JAG2: variants seen among roughly 807,000 people sequenced by gnomAD.
JAG2 encodes protein jagged-2.
JAG2 carries 46 observed loss-of-function variants against 141.7 expected under a neutral mutation model. The observed-to-expected ratio is 0.32, with a 90% CI of 0.26 to 0.42. The LOEUF (loss-of-function observed/expected upper bound fraction) is 0.42. Ranked by LOEUF, JAG2 falls within the 10% of genes least tolerant of loss-of-function variation. The pLI, the probability that JAG2 is intolerant of heterozygous loss-of-function variation, is 1.00. For synonymous variants in JAG2, 862 were observed against 763.5 expected, an observed-to-expected ratio of 1.13 and a Z score of -2.13; for missense variants, 1,500 against 1,817.5, an observed-to-expected ratio of 0.83 and a Z score of 3.18.
chr14:105,161,663 C>T (rs587767331), intron 2 of JAG2, among the ~76,000 whole-genome samples: 12 of 152,312 alleles, frequency 7.9e-5, no homozygotes, highest in Admixed American at 6.5e-4. Flanking sequence ...CCTCACCCCA[C>T]CTGCCAGCTC....
rs777967410 is a variant in JAG2, at chr14:105,146,672, A to G, written c.2532T>C (p.Asp844=). Reference sequence around the variant, plus strand: ...AGCTACAGCGATACCCGTTGATCTCATCCACACACGTGGCCCCGTAGGCAC... The same window carrying G: ...AGCTACAGCGATACCCGTTGATCTCGTCCACACACGTGGCCCCGTAGGCAC... ...SPCAYGATCV[D]EINGYRCSCP... is the part of the protein sequence containing the mutation. The change falls in exon 21 of 26, where the codon GAT becomes GAC. Residue 844 remains aspartate, a synonymous_variant. Transcript: ENST00000331782. The G allele has an allele frequency of 6.2e-7, 1 of 1,611,444 alleles. No individual in the cohort carries two copies. The highest frequency in any genetic ancestry group is 8.5e-7 in the Non-Finnish European group (1 of 1,178,770).
Position 105,151,109 on chromosome 14 carries a change from GA to G in JAG2, c.1268-6del. On this transcript the variant is annotated splice_region_variant and splice_polypyrimidine_tract_variant and intron_variant, in intron 9 of 25. Coordinates refer to ENST00000331782, the MANE Select transcript of JAG2 (RefSeq NM_002226.5). Reference sequence around the variant, plus strand: ...TCCCTTCACACTCATTGGCGTCTGTGAAAGAGACAAGGTGGGAGCCGTGGGG... The same window carrying G: ...TCCCTTCACACTCATTGGCGTCTGTGAAGAGACAAGGTGGGAGCCGTGGGG... 6.2e-7 allele frequency: 1 copy of G among 1,607,948 alleles called. No homozygotes were observed. Among genetic ancestry groups the G allele is most frequent in the East Asian group, 2.2e-5 (1 of 44,752 alleles).
At chr14:105,144,809 C>A in intron 24 of JAG2, 121 bp downstream of exon 24, 3 of 1,307,452 alleles carry the variant, frequency 2.3e-6, no homozygotes, top group South Asian at 1.3e-5. Flanking sequence ...GGGAGACAGG[C>A]CTGCCCGCAG....
Position 105,167,828 on chromosome 14 carries a change from G to A in JAG2, c.346C>T (p.Arg116Trp). 1 of 1,474,426 alleles carries A rather than the reference G, an allele frequency of 6.8e-7. No homozygotes were observed. Among genetic ancestry groups the A allele is most frequent in the Non-Finnish European group, 8.9e-7 (1 of 1,117,800 alleles). The allele number at this position is 1,474,426 out of a possible 1,614,324, so 91.3% of individuals were successfully genotyped here. Residue 116 changes from arginine (R) to tryptophan (W), a missense_variant, in exon 2 of 26, where the codon CGG becomes TGG. Coordinates refer to ENST00000331782, the MANE Select transcript of JAG2 (RefSeq NM_002226.5). This position sits in a 1 kb window ranked among gnomAD's most constrained non-coding sequence, Gnocchi z 4.8. ...PPAGAAGDRA[R>W]ARARAGGDQD... ...TCGCCGCCGGCCCGGGCCCGCGCCC[G>A]CGCTCGGTCCCCCGCAGCGCCCGCC...
intron 17 of JAG2, 91 bp from the exon 18 acceptor site, chr14:105,147,979 C>G: frequency 1.7e-6 from 2 of 1,205,546 alleles, no homozygotes; most frequent in Non-Finnish European, 2.4e-6. Flanking sequence ...ACAGGGCAGA[C>G]AGACCCGGGG....
chr14:105,168,277 G>A (rs1284327640), intron 1 of JAG2, 78 bp downstream of exon 1: 1 of 705,506 alleles, frequency 1.4e-6, no homozygotes, highest in Non-Finnish European at 1.7e-6. Context: ...GGCGGCCCCA[G>A]GCAGTGCCCG....
chr14:105,147,225 C>T (rs1315728266), intron 20 of JAG2, 101 bp downstream of exon 20: 2 of 897,198 alleles, frequency 2.2e-6, no homozygotes, highest in South Asian at 1.4e-5. Context: ...GTAGTTGTGG[C>T]CACACTGCCC....
In JAG2 at chr14:105,150,736, G is replaced by A. The variant is rs587707453; in HGVS notation, c.1470C>T (p.Phe490=). ...NGYQCVCPRG[F]GGRHCELERD... ...GTTCCAGCTCGCAATGCCGGCCTCC[G>A]AAGCCCCGTGGGCACACACACTGGT... is the stretch of plus-strand genomic sequence containing the variant. Residue 490 remains phenylalanine (F), a synonymous_variant, in exon 12 of 26, where the codon TTC becomes TTT. Transcript: ENST00000331782. 1.1e-5 allele frequency: 17 copies of A among 1,580,810 alleles called. No homozygotes were observed. Among genetic ancestry groups the A allele is most frequent in the Middle Eastern group, 1.7e-4 (1 of 6,024 alleles).
At chr14:105,148,075 G>T in intron 17 of JAG2, 41 bp downstream of exon 17, 1 of 1,471,042 alleles carries the variant, frequency 6.8e-7, no homozygotes, top group Non-Finnish European at 9.3e-7. Flanking sequence ...GCCTGGGAGG[G>T]CATATGCCCG....
In JAG2 at chr14:105,146,655, C is replaced by T. The variant is rs191336412; in HGVS notation, c.2549G>A (p.Arg850His). 103 of 1,612,698 alleles carry T rather than the reference C, an allele frequency of 6.4e-5. No homozygotes were observed. Among genetic ancestry groups the T allele is most frequent in the African/African-American group, 5.2e-4 (39 of 75,064 alleles). The stretch of plus-strand genomic sequence containing the variant: ...GGCTCGGCCGGGTGGGCAGCTACAG[C>T]GATACCCGTTGATCTCATCCACACA... The part of the protein sequence containing the change: ...ATCVDEINGY[R>H]CSCPPGRAGP... The change falls in exon 21 of 26, where the codon CGC (arginine) becomes CAC (histidine). Residue 850 changes from arginine to histidine, a missense_variant. By Grantham distance (29) the Arg-to-His change is conservative. Around this residue, in one of 3 missense-constraint regions of JAG2, gnomAD observed 875 missense variants for 1,202.2 expected, o/e 0.73. Coordinates refer to ENST00000331782, the MANE Select transcript of JAG2 (RefSeq NM_002226.5).
Position 105,167,372 on chromosome 14 carries a change from G to A in JAG2, c.417+385C>T, listed in dbSNP as rs1428776455. 6.6e-6 allele frequency among the ~76,000 whole-genome samples: 1 copy of A among 152,126 alleles called. No homozygotes were observed. The highest frequency in any genetic ancestry group is 2.1e-4 in the South Asian group (1 of 4,824). ...CACGGGCCCGGGGCGGCTCAGTCAG[G>A]GCCTGCCCTAGACCAGCCCCAGCAC... On this transcript the variant is annotated intron_variant, in intron 2 of 25. Coordinates refer to ENST00000331782, the MANE Select transcript of JAG2 (RefSeq NM_002226.5). This position sits in a 1 kb window ranked among gnomAD's most constrained non-coding sequence, Gnocchi z 4.8.
At chr14:105,161,105 T>C (rs1266926539) in intron 2 of JAG2, among the ~76,000 whole-genome samples, 1 of 142,082 alleles carries the variant, frequency 7.0e-6, no homozygotes, top group Non-Finnish European at 1.5e-5. Flanking sequence ...TGTTCGGGTG[T>C]TGGGGGTCCG....
chr14:105,146,325 G>A, intron 22 of JAG2, 60 bp downstream of exon 22: 1 of 1,405,218 alleles, frequency 7.1e-7, no homozygotes, highest in African/African-American at 1.4e-5. Flanking sequence ...CTCACAGAGT[G>A]GCCAGGGTCA....
chr14:105,153,422 C>T (rs78231857), intron 5 of JAG2, among the ~76,000 whole-genome samples: 1,584 of 152,360 alleles, frequency 0.01, 63 homozygotes, highest in Admixed American at 0.081. Context: ...GGCTGTGACA[C>T]ACCTTGGGTC....
chr14:105,168,301 G>A (rs1302205728), intron 1 of JAG2, 54 bp downstream of exon 1: 27 of 700,954 alleles, frequency 3.9e-5, no homozygotes, highest in Middle Eastern at 6.8e-4. Flanking sequence ...GGCCCCTAGG[G>A]GCGGCCCGGT....
In JAG2 at chr14:105,155,786, C is replaced by T; in HGVS notation, c.679G>A (p.Gly227Ser). The change falls in exon 4 of 26, where the codon GGC becomes AGC. Residue 227 changes from glycine (G) to serine (S), a missense_variant. Coordinates refer to ENST00000331782, the MANE Select transcript of JAG2 (RefSeq NM_002226.5). The part of the protein sequence containing the change: ...FFGHYTCDQY[G>S]NKACMDGWMG... ...CAGCCGTCCATGCAGGCCTTGTTGC[C>T]GTACTGGTCGCAGGTGTAGTGGCCG... The T allele has an allele frequency of 6.2e-7, 1 of 1,612,956 alleles. No homozygotes were observed. The highest frequency in any genetic ancestry group is 8.5e-7 in the Non-Finnish European group (1 of 1,179,928).
intron 5 of JAG2, 68 bp downstream of exon 5, chr14:105,155,487 AGCAAGGC>A: frequency 1.3e-6 from 2 of 1,550,786 alleles, no homozygotes; most frequent in Non-Finnish European, 1.8e-6. Context: ...GACTCCTGAC[AGCAAGGC>A]TGTGTGTGCC....
rs1888225295 is a variant in JAG2, at chr14:105,146,417, G to A, written c.2677C>T (p.Arg893Cys). ...CAGTCACGGCGGCCATCCAGGCAGC[G>A]GCAGCTGTTGCAGTCTTCCACCCAG... ...SSWVEDCNSC[R>C]CLDGRRDCSK... Residue 893 changes from arginine to cysteine, a missense_variant, in exon 22 of 26, where the codon CGC becomes TGC. Transcript: ENST00000331782. 5 of 1,612,666 alleles carry A rather than the reference G, an allele frequency of 3.1e-6. No individual in the cohort carries two copies. The highest frequency in any genetic ancestry group is 1.3e-5 in the African/African-American group (1 of 75,044).
chr14:105,157,646 G>T, intron 3 of JAG2, 60 bp downstream of exon 3: 1 of 1,411,424 alleles, frequency 7.1e-7, no homozygotes, highest in Non-Finnish European at 9.8e-7. Context: ...GAGGAGCTGG[G>T]CCCTGCCACA....
Sources: allele counts gnomAD v4.1 joint callset (sites outside exome capture counted in the v4.1 genomes callset), GRCh38; gene constraint gnomAD v4.1.1; regional missense constraint gnomAD v4.1.1; non-coding constraint Gnocchi (gnomAD v3.1); transcripts MANE v1.5; gene names NCBI Gene and HGNC (gene_info 2026-07-23, HGNC 2026-07-21).